OTOGL: variants seen among roughly 807,000 people sequenced by gnomAD.
The protein encoded by OTOGL is otogelin-like protein.
In OTOGL, 285 loss-of-function variants were observed where a neutral mutation model predicts 318.5. The ratio of observed to expected loss-of-function variants is 0.89; its 90% CI spans 0.81 to 0.99. The LOEUF (loss-of-function observed/expected upper bound fraction) is 0.99, where lower values mean the gene tolerates loss of function less well. OTOGL is among the 50% of genes least tolerant of loss of function. The probability of loss-of-function intolerance (pLI) is 0.00; values close to 1 mark genes in which losing one functional copy is unlikely to be tolerated. For synonymous variants in OTOGL, 987 were observed against 936.5 expected, an observed-to-expected ratio of 1.05 and a Z score of -0.99; for missense variants, 2,899 against 2,845.6, an observed-to-expected ratio of 1.02 and a Z score of -0.43.
chr12:80,106,329 C>G (rs1869452123), intron 1 of OTOGL, among the ~76,000 whole-genome samples: 2 of 152,164 alleles, frequency 1.3e-5, no homozygotes, highest in African/African-American at 4.8e-5. Context: ...ATATTTCAGT[C>G]TTCACAGACT....
intron 11 of OTOGL, among the ~76,000 whole-genome samples, chr12:80,249,579 A>G (rs1466753663): frequency 6.6e-6 from 1 of 151,982 alleles, no homozygotes; most frequent in East Asian, 1.9e-4. Context: ...GCTGTCAGAC[A>G]GGGACATTTA....
At chr12:80,259,742 AT>A (rs1367802009) in intron 18 of OTOGL, among the ~76,000 whole-genome samples, 1 of 152,012 alleles carries the variant, frequency 6.6e-6, no homozygotes, top group African/African-American at 2.4e-5. Flanking sequence ...ATAGTACCAC[AT>A]TTTCTTTATC....
chr12:80,334,377 G>T (rs1055557296), intron 38 of OTOGL, among the ~76,000 whole-genome samples: 5 of 152,242 alleles, frequency 3.3e-5, no homozygotes, highest in South Asian at 2.1e-4. Context: ...GTTCAGTTTT[G>T]CCATGTGAAG....
chr12:80,194,777 A>T (rs961283344), intron 1 of OTOGL, among the ~76,000 whole-genome samples: 2 of 152,194 alleles, frequency 1.3e-5, no homozygotes, highest in Non-Finnish European at 2.9e-5. Flanking sequence ...ATTAAAATTT[A>T]AAAAAATAAA....
At chr12:80,234,406 T>C (rs1008787100) in intron 9 of OTOGL, among the ~76,000 whole-genome samples, 3 of 152,176 alleles carry the variant, frequency 2.0e-5, no homozygotes, top group Non-Finnish European at 2.9e-5. Context: ...ATAAAATTAA[T>C]AGAGATGATT....
intron 19 of OTOGL, among the ~76,000 whole-genome samples, chr12:80,263,942 G>A (rs1882748050): frequency 6.6e-6 from 1 of 151,974 alleles, no homozygotes; most frequent in African/African-American, 2.4e-5. Flanking sequence ...TACTGCTATA[G>A]TTTAAGTCAT....
At chr12:80,167,913 T>A (rs1873929264) in intron 1 of OTOGL, among the ~76,000 whole-genome samples, 1 of 151,992 alleles carries the variant, frequency 6.6e-6, no homozygotes, top group Non-Finnish European at 1.5e-5. Context: ...TACAAACTTT[T>A]CTTTTCTCTT....
At position 80,265,211 on chromosome 12, in the gene OTOGL, G is replaced by GT; in HGVS notation, c.2224+2dup. On this transcript the variant is annotated splice_donor_variant, in intron 20 of 58. Transcript: ENST00000547103. LOFTEE classifies it high-confidence loss of function. ...TTCAGAACTCAGATTTCTTTCTGTG[G>GT]TGAGTACAATGGCACAGATAAAGAC... The GT allele has an allele frequency of 6.2e-7, 1 of 1,611,352 alleles. No homozygotes were observed. Among genetic ancestry groups the GT allele is most frequent in the Non-Finnish European group, 8.5e-7 (1 of 1,178,100 alleles).
intron 15 of OTOGL, 34 bp downstream of exon 15, chr12:80,254,604 T>C (rs1380300387): frequency 6.4e-7 from 1 of 1,560,370 alleles, no homozygotes; most frequent in Non-Finnish European, 8.8e-7. Context: ...AGAGAATGTT[T>C]CAAATTTCTT....
rs376259520 is a variant in OTOGL at position 80,264,618 on chromosome 12, A to G, written c.2015-383A>G. Among the ~76,000 whole-genome samples the G allele has an allele frequency of 8.5e-5, 13 of 152,176 alleles. 1 individual carries two copies. The highest frequency in any genetic ancestry group is 1.6e-4 in the Non-Finnish European group (11 of 68,044). ...ATTGTGTATTACACAGGGTTGCCAT[A>G]ATATCCACAATCTGGAACCACTTTG... On this transcript the variant is annotated intron_variant, in intron 19 of 58. Coordinates refer to ENST00000547103, the MANE Select transcript of OTOGL (RefSeq NM_001378609.3).
chr12:80,258,419 G>A (rs942224377), intron 18 of OTOGL, among the ~76,000 whole-genome samples: 3 of 152,016 alleles, frequency 2.0e-5, no homozygotes, highest in African/African-American at 7.2e-5. Flanking sequence ...TGCATTAGTG[G>A]TAGTAAATAC....
At position 80,271,741 on chromosome 12, in the gene OTOGL, C is replaced by A. The variant is rs764658069; in HGVS notation, c.2612C>A (p.Ala871Glu). ...AGGVNCETTC[A>E]NLAMNFTCTP... ...GGTGTTAATTGTGAGACTACATGTG[C>A]AAACCTAGCCATGAACTTCACCTGC... is the stretch of plus-strand genomic sequence containing the variant. Residue 871 changes from alanine (A) to glutamate (E), a missense_variant, in exon 24 of 59, where the codon GCA (alanine) becomes GAA (glutamate). Around this residue, in one of 3 missense-constraint regions of OTOGL, gnomAD observed 2,607 missense variants for 2,524.9 expected, o/e 1.03. Coordinates refer to ENST00000547103, the MANE Select transcript of OTOGL (RefSeq NM_001378609.3). The A allele has an allele frequency of 6.2e-7, 1 of 1,613,134 alleles. No homozygotes were observed. Among genetic ancestry groups the A allele is most frequent in the South Asian group, 1.1e-5 (1 of 91,062 alleles).
In OTOGL at chr12:80,318,540, A is replaced by G; in HGVS notation, c.3635-6A>G. ...ATTTATAATTCTAATATTTATATTT[A>G]ACTAGGACTTGGAGAAGGACCATAT... On this transcript the variant is annotated splice_region_variant and splice_polypyrimidine_tract_variant and intron_variant, in intron 32 of 58. Coordinates refer to ENST00000547103, the MANE Select transcript of OTOGL (RefSeq NM_001378609.3). The G allele has an allele frequency of 8.0e-7, 1 of 1,249,646 alleles. No homozygotes were observed. The highest frequency in any genetic ancestry group is 1.0e-6 in the Non-Finnish European group (1 of 983,464). 77.4% of individuals were successfully genotyped at this position (1,249,646 alleles called of 1,614,324 possible).
chr12:80,343,509 G>GTTTTTTTTTTTTTTTTT (rs58046272), intron 44 of OTOGL: 3 of 35,860 alleles, frequency 8.4e-5, no homozygotes, highest in Non-Finnish European at 1.0e-4. Flanking sequence ...TTTTATTCTT[G>GTTTTTTTTTTTTTTTTT]TTTTTTTTTT....
At chr12:80,195,539 A>G (rs1875997443) in intron 1 of OTOGL, among the ~76,000 whole-genome samples, 1 of 152,232 alleles carries the variant, frequency 6.6e-6, no homozygotes, top group Admixed American at 6.5e-5. Flanking sequence ...AATGAAGCTT[A>G]TATGATTTAA....
chr12:80,353,252 C>T, intron 45 of OTOGL, 73 bp from the exon 46 acceptor site: 3 of 1,144,186 alleles, frequency 2.6e-6, no homozygotes, highest in Non-Finnish European at 3.4e-6. Context: ...AGAAATCTGA[C>T]ATTTCTTTCT....
chr12:80,333,361 T>C (rs551835447), intron 38 of OTOGL, among the ~76,000 whole-genome samples: 26 of 151,418 alleles, frequency 1.7e-4, no homozygotes, highest in Non-Finnish European at 2.9e-5. Flanking sequence ...GAATCAGGCA[T>C]TCATAAAATA....
At position 80,339,220 on chromosome 12, in the gene OTOGL, T is replaced by A; in HGVS notation, c.5006T>A (p.Phe1669Tyr). 6.2e-7 allele frequency: 1 copy of A among 1,611,992 alleles called. No individual in the cohort carries two copies. The highest frequency in any genetic ancestry group is 1.3e-5 in the African/African-American group (1 of 74,928). Reference protein sequence around the residue: ...SHLTGIIDIHFGFRFNLSSYT... With the variant: ...SHLTGIIDIHYGFRFNLSSYT... ...CTTACAGGAATCATAGACATTCATT[T>A]TGGCTTCCGATTTAACTTGTCATCC... Residue 1669 changes from phenylalanine (F) to tyrosine (Y), a missense_variant, in exon 43 of 59, where the codon TTT (phenylalanine) becomes TAT (tyrosine). By Grantham distance (22) the Phe-to-Tyr change is conservative. Around this residue, in one of 3 missense-constraint regions of OTOGL, gnomAD observed 2,607 missense variants for 2,524.9 expected, o/e 1.03. Coordinates refer to ENST00000547103, the MANE Select transcript of OTOGL (RefSeq NM_001378609.3).
intron 1 of OTOGL, 33 bp from the exon 2 acceptor site, chr12:80,209,380 A>G (rs1877062466): frequency 1.6e-6 from 2 of 1,223,210 alleles, no homozygotes; most frequent in East Asian, 2.6e-5. Flanking sequence ...AGATGCCATC[A>G]TAATAAAGAC....
Sources: allele counts gnomAD v4.1 joint callset (sites outside exome capture counted in the v4.1 genomes callset), GRCh38; gene constraint gnomAD v4.1.1; regional missense constraint gnomAD v4.1.1; transcripts MANE v1.5; gene names NCBI Gene and HGNC (gene_info 2026-07-23, HGNC 2026-07-21).